PDE6A: variants seen among roughly 807,000 people sequenced by gnomAD.
The protein encoded by PDE6A is rod cGMP-specific 3',5'-cyclic phosphodiesterase subunit alpha.
PDE6A carries 84 observed loss-of-function variants against 106.3 expected under a neutral mutation model. The observed-to-expected ratio is 0.79, with a 90% CI of 0.66 to 0.95. PDE6A has a LOEUF of 0.95. PDE6A is among the 40% of genes least tolerant of loss of function. The probability of loss-of-function intolerance (pLI) is 0.00; values close to 1 mark genes in which losing one functional copy is unlikely to be tolerated. For synonymous variants in PDE6A, 394 were observed against 386.6 expected (o/e 1.02, Z -0.23); for missense variants, 1,052 against 1,084.9 (o/e 0.97, Z 0.43).
chr5:149,925,057 T>C (rs1265013954), intron 4 of PDE6A, among the ~76,000 whole-genome samples: 4 of 152,212 alleles, frequency 2.6e-5, no homozygotes, highest in African/African-American at 4.8e-5. Flanking sequence ...TGAGGTTCTC[T>C]GCCTTTACCC....
intron 7 of PDE6A, among the ~76,000 whole-genome samples, chr5:149,905,923 T>A (rs1753162458): frequency 6.6e-6 from 1 of 152,080 alleles, no homozygotes; most frequent in Non-Finnish European, 1.5e-5. Context: ...AGTGGTGCAA[T>A]CATACCTCAC....
chr5:149,884,720 T>G (rs1345640875), intron 15 of PDE6A, 60 bp downstream of exon 15: 1 of 1,528,158 alleles, frequency 6.5e-7, no homozygotes, highest in East Asian at 2.2e-5. Flanking sequence ...TCAGGCTCCT[T>G]GTGAAATAGA....
At chr5:149,923,947 C>T (rs1185863881) in intron 4 of PDE6A, among the ~76,000 whole-genome samples, 1 of 152,196 alleles carries the variant, frequency 6.6e-6, no homozygotes, top group Non-Finnish European at 1.5e-5. Context: ...TCCAGAGAAG[C>T]AGAAGGGAAG....
chr5:149,932,085 G>A, intron 3 of PDE6A: 1 of 1,379,474 alleles, frequency 7.2e-7, no homozygotes, highest in Non-Finnish European at 1.0e-6. Context: ...TTCTCTTTTA[G>A]CACGTTCTTT....
chr5:149,924,477 ATATT>A (rs1276630405), intron 4 of PDE6A, among the ~76,000 whole-genome samples: 1 of 150,802 alleles, frequency 6.6e-6, no homozygotes, highest in Non-Finnish European at 1.5e-5. Flanking sequence ...AGTTATAAGA[ATATT>A]TAGAAATAAT....
intron 17 of PDE6A, among the ~76,000 whole-genome samples, chr5:149,881,039 G>C (rs1760902359): frequency 6.6e-6 from 1 of 152,154 alleles, no homozygotes; most frequent in Non-Finnish European, 1.5e-5. Flanking sequence ...CTCCAGCCTG[G>C]GTGACAGAGT....
chr5:149,900,375 G>GTGTA (rs371287292), intron 8 of PDE6A, among the ~76,000 whole-genome samples: 2 of 82,578 alleles, frequency 2.4e-5, no homozygotes, highest in African/African-American at 7.6e-5. Flanking sequence ...AAATATATAT[G>GTGTA]TATATATATA....
intron 4 of PDE6A, among the ~76,000 whole-genome samples, chr5:149,925,528 G>A (rs1375249308): frequency 1.3e-5 from 2 of 151,854 alleles, no homozygotes; most frequent in Non-Finnish European, 2.9e-5. Context: ...CCAATATGAC[G>A]AAACCCCATC....
At chr5:149,887,058 A>G (rs1752332632) in intron 13 of PDE6A, among the ~76,000 whole-genome samples, 1 of 152,168 alleles carries the variant, frequency 6.6e-6, no homozygotes, top group Non-Finnish European at 1.5e-5. Context: ...AAGGGCAGGG[A>G]TTTGCATCAT....
At chr5:149,896,077 AT>A (rs1165027985) in intron 12 of PDE6A, among the ~76,000 whole-genome samples, 1 of 152,100 alleles carries the variant, frequency 6.6e-6, no homozygotes, top group Non-Finnish European at 1.5e-5. Flanking sequence ...TATAGGACCC[AT>A]TTTTTGCAGC....
Position 149,895,299 on chromosome 5 carries a change from A to C in PDE6A, c.1621-9T>G. 1 of 1,578,018 alleles carries C rather than the reference A, an allele frequency of 6.3e-7. No homozygotes were observed. The highest frequency in any genetic ancestry group is 1.3e-5 in the African/African-American group (1 of 74,344). ...ATGAACCGCACCAGGGCCTGTGAAC[A>C]CATGCACATCAGTGAGGCAGGACAC... On this transcript the variant is annotated splice_polypyrimidine_tract_variant and intron_variant, in intron 12 of 21. Coordinates refer to ENST00000255266, the MANE Select transcript of PDE6A (RefSeq NM_000440.3).
chr5:149,932,451 G>A (rs1754064788), intron 3 of PDE6A: 1 of 1,402,212 alleles, frequency 7.1e-7, no homozygotes, highest in Non-Finnish European at 1.0e-6. Flanking sequence ...GTCAAGATCT[G>A]CTGGTCTTGA....
At chr5:149,914,805 T>C in intron 6 of PDE6A, 138 bp downstream of exon 6, 1 of 722,480 alleles carries the variant, frequency 1.4e-6, no homozygotes, top group Admixed American at 1.9e-5. Context: ...TCCTTCTCTG[T>C]CTATAAAGTC....
At chr5:149,941,491 C>T (rs937301756) in intron 1 of PDE6A, among the ~76,000 whole-genome samples, 4 of 152,186 alleles carry the variant, frequency 2.6e-5, no homozygotes, top group Non-Finnish European at 5.9e-5. Flanking sequence ...TCTCAGGGAA[C>T]AGTGGATCCT....
chr5:149,867,988 G>T, intron 18 of PDE6A, 107 bp downstream of exon 18: 2 of 1,201,470 alleles, frequency 1.7e-6, no homozygotes, highest in Non-Finnish European at 2.5e-6. Flanking sequence ...AGGAGGATGG[G>T]ACACAGGTGA....
chr5:149,867,909 C>T lies in PDE6A; in HGVS notation c.2200-110G>A, dbSNP rs1252305317. On this transcript the variant is annotated intron_variant, in intron 18 of 21. Transcript: ENST00000255266. ...AATCAACAAAAAGGATAAACCCATC[C>T]CTGCCCTGCCACCCTCACTTTTGCT... 3 of 1,166,754 alleles carry T rather than the reference C, an allele frequency of 2.6e-6. No individual in the cohort carries two copies. In the Admixed American group the frequency reaches 5.4e-5, roughly 21 times the overall value. The allele number at this position is 1,166,754 out of a possible 1,614,324, so 72.3% of individuals were successfully genotyped here.
At chr5:149,886,509 A>C in intron 13 of PDE6A, 135 bp from the exon 14 acceptor site, 1 of 721,550 alleles carries the variant, frequency 1.4e-6, no homozygotes. Flanking sequence ...CTGGCTCCAG[A>C]GGCTGACCAG....
intron 8 of PDE6A, among the ~76,000 whole-genome samples, chr5:149,900,375 G>GTATATATATGTATATATATATATATATA (rs1752924695): frequency 1.2e-5 from 1 of 82,584 alleles, no homozygotes; most frequent in Non-Finnish European, 2.4e-5. Flanking sequence ...AAATATATAT[G>GTATATATATGTATATATATATATATATA]TATATATATA....
intron 9 of PDE6A, 132 bp from the exon 10 acceptor site, chr5:149,898,638 C>T (rs1581180660): frequency 1.2e-6 from 1 of 845,896 alleles, no homozygotes; most frequent in Non-Finnish European, 1.9e-6. Flanking sequence ...GTGTGCTGCC[C>T]ACCTTGCGGA....
Sources: gnomAD v4.1 joint callset for allele counts (sites outside exome capture counted in the v4.1 genomes callset) on GRCh38, gnomAD v4.1.1 for gene constraint, MANE v1.5 for transcripts, NCBI Gene and HGNC (gene_info 2026-07-23, HGNC 2026-07-21) for gene names.